TACC1: variants seen among roughly 807,000 people sequenced by gnomAD.
TACC1 encodes the protein transforming acidic coiled-coil-containing protein 1.
TACC1 carries 48 observed loss-of-function variants against 84.4 expected under a neutral mutation model. The ratio of observed to expected loss-of-function variants is 0.57; its 90% CI spans 0.45 to 0.72. The LOEUF is 0.72. Ranked by LOEUF, TACC1 falls within the 30% of genes least tolerant of loss-of-function variation. The pLI is 0.00. For missense variants in TACC1, 920 were observed against 973.0 expected (o/e 0.95, Z 0.72); for synonymous variants, 372 against 376.3 (o/e 0.99, Z 0.13).
rs1815942226 is a variant in TACC1 at position 38,781,403 on chromosome 8, G to GGC, written c.27-7301_27-7300insGC. On this transcript the variant is annotated intron_variant, in intron 3 of 14. Coordinates refer to the TACC1 transcript ENST00000518415. ...ATTCTTCTTTTTTTTTTTTTTTGAG[G>GGC]CGGAGACTTGTTCTGTCCCCCAGGC... Among the ~76,000 whole-genome samples, 9 of 146,264 alleles carry GGC rather than the reference G, an allele frequency of 6.2e-5. No individual in the cohort carries two copies. The South Asian group carries it at 1.1e-3, about 18-fold the overall frequency.
intron 3 of TACC1, among the ~76,000 whole-genome samples, chr8:38,781,972 A>G: frequency 6.7e-6 from 1 of 149,816 alleles, no homozygotes; most frequent in African/African-American, 2.4e-5. Flanking sequence ...ATTCTTGTAA[A>G]TCTTTATTTT....
At chr8:38,828,764 G>A (rs530536256) in intron 5 of TACC1, among the ~76,000 whole-genome samples, 10 of 152,184 alleles carry the variant, frequency 6.6e-5, no homozygotes, top group Middle Eastern at 3.2e-3. Flanking sequence ...CCTCAAATGC[G>A]AAGGCACCAT....
chr8:38,789,816 A>C (rs1036071942), intron 2 of TACC1, among the ~76,000 whole-genome samples: 2 of 152,202 alleles, frequency 1.3e-5, no homozygotes, highest in African/African-American at 4.8e-5. Flanking sequence ...TTCATGGTAC[A>C]GTTTGAGGAC....
intron 1 of TACC1, chr8:38,787,961 C>G: frequency 1.9e-6 from 1 of 525,234 alleles, no homozygotes; most frequent in Admixed American, 4.1e-5. Context: ...GAGTTCCGCA[C>G]CCAACCCAGA....
chr8:38,732,444 C>T (rs1453261986), intron 1 of TACC1, among the ~76,000 whole-genome samples: 1 of 151,730 alleles, frequency 6.6e-6, no homozygotes, highest in Non-Finnish European at 1.5e-5. Flanking sequence ...AAAAAAAACC[C>T]AGGAGATCAA....
chr8:38,822,073 T>C (rs1038077638), intron 3 of TACC1, among the ~76,000 whole-genome samples: 1 of 151,884 alleles, frequency 6.6e-6, no homozygotes, highest in African/African-American at 2.4e-5. Context: ...CGATTCCCTG[T>C]CTCTTAAAAA....
At chr8:38,745,785 C>T (rs976096167) in intron 3 of TACC1, among the ~76,000 whole-genome samples, 1 of 152,140 alleles carries the variant, frequency 6.6e-6, no homozygotes, top group Non-Finnish European at 1.5e-5. Context: ...CTCAGGTGAT[C>T]CACCTGCCTC....
intron 3 of TACC1, among the ~76,000 whole-genome samples, chr8:38,769,862 A>G: frequency 2.0e-5 from 2 of 99,924 alleles, no homozygotes; most frequent in East Asian, 3.5e-4. Flanking sequence ...GGTGTGTGTG[A>G]CTATGTGGTG....
At chr8:38,835,198 G>A (rs150539422) in intron 6 of TACC1, among the ~76,000 whole-genome samples, 3,557 of 151,232 alleles carry the variant, frequency 0.024, 126 homozygotes, top group African/African-American at 0.075. Flanking sequence ...AGCTTGCAGC[G>A]AGCCGAGATT....
chr8:38,830,598 C>T (rs928343125), intron 5 of TACC1, among the ~76,000 whole-genome samples: 2 of 152,024 alleles, frequency 1.3e-5, no homozygotes, highest in Non-Finnish European at 1.5e-5. Flanking sequence ...TCATCCTCTA[C>T]CCTAGTAGAG....
chr8:38,772,030 AG>A (rs1813729764), intron 3 of TACC1, among the ~76,000 whole-genome samples: 2 of 148,016 alleles, frequency 1.4e-5, no homozygotes, highest in South Asian at 2.1e-4. Flanking sequence ...AGAAAAAGAG[AG>A]AGAGAGAGAG....
intron 2 of TACC1, among the ~76,000 whole-genome samples, chr8:38,804,018 C>T (rs1286403477): frequency 6.6e-6 from 1 of 152,014 alleles, no homozygotes; most frequent in African/African-American, 2.4e-5. Flanking sequence ...TCTATTTTAT[C>T]GAAATTGTCT....
intron 3 of TACC1, chr8:38,745,511 T>C: frequency 2.9e-6 from 2 of 686,172 alleles, no homozygotes; most frequent in Non-Finnish European, 5.3e-6. Context: ...TTTTAATTTT[T>C]GTTTTCTTGT....
chr8:38,749,601 G>GT (rs1361259439), intron 3 of TACC1, among the ~76,000 whole-genome samples: 3 of 151,554 alleles, frequency 2.0e-5, no homozygotes, highest in Non-Finnish European at 2.9e-5. Flanking sequence ...TGTTTTTTGG[G>GT]TTTTTTTTGA....
Position 38,846,747 on chromosome 8 carries a change from T to C in TACC1, c.2277T>C (p.Ser759=), listed in dbSNP as rs1220233756. The change falls in exon 12 of 13, where the codon AGT becomes AGC. Residue 759 remains serine (S), a synonymous_variant. Transcript: ENST00000317827. The part of the protein sequence containing the change: ...AQVRTKAKAE[S]AALHAGLRKE... ...TTCGAACAAAAGCAAAGGCTGAGAG[T>C]GCAGCTCTCCATGCTGGACTCCGCA... The C allele has an allele frequency of 6.8e-6, 11 of 1,613,918 alleles. No homozygotes were observed. Among genetic ancestry groups the C allele is most frequent in the Non-Finnish European group, 9.3e-6 (11 of 1,180,004 alleles).
At chr8:38,753,127 T>G (rs1484943631) in intron 3 of TACC1, among the ~76,000 whole-genome samples, 2 of 152,216 alleles carry the variant, frequency 1.3e-5, no homozygotes, top group East Asian at 3.8e-4. Flanking sequence ...GGAGACAGAC[T>G]ATCGCTGTGT....
intron 2 of TACC1, among the ~76,000 whole-genome samples, chr8:38,789,725 G>A (rs1006094920): frequency 6.6e-6 from 1 of 152,152 alleles, no homozygotes; most frequent in African/African-American, 2.4e-5. Flanking sequence ...TCCTGAGGTG[G>A]GAACCCTTCC....
At chr8:38,742,318 A>G (rs942820347) in intron 1 of TACC1, 3 of 963,690 alleles carry the variant, frequency 3.1e-6, no homozygotes, top group South Asian at 2.3e-5. Context: ...ATGATTAAGC[A>G]TGTGACTCCC....
At chr8:38,757,922 T>C (rs1050542474) in intron 3 of TACC1, among the ~76,000 whole-genome samples, 1 of 152,118 alleles carries the variant, frequency 6.6e-6, no homozygotes, top group African/African-American at 2.4e-5. Flanking sequence ...AAGGGCAGTA[T>C]TGTAGCAGCA....
Sources: allele counts gnomAD v4.1 joint callset (sites outside exome capture counted in the v4.1 genomes callset), GRCh38; gene constraint gnomAD v4.1.1; transcripts MANE v1.5; gene names NCBI Gene and HGNC (gene_info 2026-07-23, HGNC 2026-07-21).